AGBL4: variants seen among roughly 807,000 people sequenced by gnomAD.
AGBL4 encodes the protein AGBL carboxypeptidase 4.
Under a neutral mutation model 66.4 loss-of-function variants are expected in AGBL4, and 58 were observed. That is an observed-to-expected ratio of 0.87 (90% CI 0.71 to 1.09). The LOEUF is 1.09. Among genes scored for constraint, AGBL4 ranks in the 50% least tolerant of loss-of-function variants. AGBL4 has a pLI of 0.00. For synonymous variants in AGBL4, 234 were observed against 222.9 expected (o/e 1.05, Z -0.44); for missense variants, 579 against 631.0 (o/e 0.92, Z 0.88).
chr1:49,970,792 A>G (rs1658018718), intron 1 of AGBL4, among the ~76,000 whole-genome samples: 1 of 151,532 alleles, frequency 6.6e-6, no homozygotes, highest in South Asian at 2.1e-4. Flanking sequence ...AACATCATAA[A>G]TCATCAGGGA....
intron 6 of AGBL4, among the ~76,000 whole-genome samples, chr1:48,667,153 G>T (rs1288409852): frequency 1.3e-5 from 2 of 152,194 alleles, no homozygotes; most frequent in Non-Finnish European, 2.9e-5. Context: ...CTTTCAAGAG[G>T]TGGAGATGTA....
chr1:50,008,645 AT>A (rs1198787392), intron 1 of AGBL4, among the ~76,000 whole-genome samples: 1 of 151,874 alleles, frequency 6.6e-6, no homozygotes, highest in African/African-American at 2.4e-5. Flanking sequence ...ATAGAAAAAA[AT>A]AATAATAAAG....
chr1:49,362,619 G>T (rs954574572), intron 3 of AGBL4, among the ~76,000 whole-genome samples: 7 of 151,924 alleles, frequency 4.6e-5, no homozygotes, highest in Admixed American at 2.6e-4. Flanking sequence ...GCTCGTTTAG[G>T]ACCCACCTCA....
intron 6 of AGBL4, among the ~76,000 whole-genome samples, chr1:48,764,535 T>C (rs1644436542): frequency 6.6e-6 from 1 of 152,142 alleles, no homozygotes. Flanking sequence ...GGTTCAGTTA[T>C]AAGCAGGAGG....
At chr1:49,409,656 T>C (rs1174001777) in intron 3 of AGBL4, among the ~76,000 whole-genome samples, 1 of 152,190 alleles carries the variant, frequency 6.6e-6, no homozygotes, top group East Asian at 1.9e-4. Context: ...TTTCTTAAGT[T>C]AGTAAAATTG....
At chr1:49,084,895 T>A (rs1003756937) in intron 4 of AGBL4, among the ~76,000 whole-genome samples, 4 of 152,190 alleles carry the variant, frequency 2.6e-5, no homozygotes, top group Non-Finnish European at 1.5e-5. Flanking sequence ...GACCGTCATG[T>A]TGTCCTTTTT....
At chr1:49,344,307 A>G (rs1222109134) in intron 3 of AGBL4, among the ~76,000 whole-genome samples, 1 of 152,182 alleles carries the variant, frequency 6.6e-6, no homozygotes, top group Non-Finnish European at 1.5e-5. Context: ...AACTTAAAGT[A>G]TAATAATAAA....
chr1:48,635,474 C>G lies in AGBL4; in HGVS notation c.840-870G>C, dbSNP rs142263202. On this transcript the variant is annotated intron_variant, in intron 8 of 13. Transcript: ENST00000371839. ...TCCACATTCAGATTTTCACTAGCGT[C>G]CTGCCTAGCCTCTCTGGCAAGTCCA... is the stretch of plus-strand genomic sequence containing the variant. Among the ~76,000 whole-genome samples the G allele has an allele frequency of 2.5e-3, 384 of 152,334 alleles. 9 individuals are homozygous for G. In the East Asian group the frequency reaches 0.058, roughly 23 times the overall value.
chr1:49,906,114 C>T (rs898044179), intron 1 of AGBL4, among the ~76,000 whole-genome samples: 6 of 110,874 alleles, frequency 5.4e-5, no homozygotes, highest in African/African-American at 2.3e-4. Context: ...AGAAACAGGA[C>T]TCTGTGTGTG....
At chr1:49,974,948 T>C (rs1234978477) in intron 1 of AGBL4, among the ~76,000 whole-genome samples, 1 of 152,198 alleles carries the variant, frequency 6.6e-6, no homozygotes, top group Non-Finnish European at 1.5e-5. Flanking sequence ...TGTAAATATC[T>C]AAACCTGTAT....
intron 5 of AGBL4, among the ~76,000 whole-genome samples, chr1:49,013,206 G>T (rs1292629414): frequency 6.6e-6 from 1 of 152,218 alleles, no homozygotes; most frequent in Non-Finnish European, 1.5e-5. Context: ...TAACCAAAGA[G>T]ATGAGTGTTT....
At chr1:48,884,892 T>C (rs756424621) in intron 5 of AGBL4, among the ~76,000 whole-genome samples, 12 of 145,360 alleles carry the variant, frequency 8.3e-5, no homozygotes, top group Non-Finnish European at 1.2e-4. Context: ...AGATGGATGA[T>C]TGAGAGAAAA....
At chr1:48,783,775 T>G (rs569442668) in intron 6 of AGBL4, among the ~76,000 whole-genome samples, 25 of 152,308 alleles carry the variant, frequency 1.6e-4, no homozygotes, top group African/African-American at 5.8e-4. Context: ...TGATTTTTTT[T>G]GTTGTTTTTT....
At chr1:48,577,330 A>G (rs1023613078) in intron 11 of AGBL4, among the ~76,000 whole-genome samples, 1 of 152,252 alleles carries the variant, frequency 6.6e-6, no homozygotes, top group Admixed American at 6.5e-5. Context: ...GCTAACAGCC[A>G]TAATCCTGAA....
chr1:49,299,032 T>A (rs1644695757), intron 3 of AGBL4, among the ~76,000 whole-genome samples: 1 of 152,180 alleles, frequency 6.6e-6, no homozygotes, highest in African/African-American at 2.4e-5. Context: ...CATTGCCGTT[T>A]ACTAAGTCCT....
intron 6 of AGBL4, among the ~76,000 whole-genome samples, chr1:48,706,396 T>C (rs1384268853): frequency 6.6e-6 from 1 of 152,178 alleles, no homozygotes; most frequent in Non-Finnish European, 1.5e-5. Flanking sequence ...TCTCAAAATA[T>C]AACTGCTAAA....
At position 48,917,867 on chromosome 1, in the gene AGBL4, C is replaced by T. The variant is rs187577230; in HGVS notation, c.595-50637G>A. Among the ~76,000 whole-genome samples, 213 of 152,270 alleles carry T rather than the reference C, an allele frequency of 1.4e-3. 1 individual carries two copies. The highest frequency in any genetic ancestry group is 4.8e-3 in the African/African-American group (200 of 41,564). ...TATTCATCATTTTTATAGGGATCAC[C>T]TCCAGGGGATGATTAAAAGGATAGA... On this transcript the variant is annotated intron_variant, in intron 5 of 13. Transcript: ENST00000371839.
At chr1:48,704,014 C>T (rs1646843137) in intron 6 of AGBL4, among the ~76,000 whole-genome samples, 1 of 152,158 alleles carries the variant, frequency 6.6e-6, no homozygotes, top group African/African-American at 2.4e-5. Context: ...CTACTATATA[C>T]CTAAGCTGTA....
intron 5 of AGBL4, among the ~76,000 whole-genome samples, chr1:48,951,540 A>G (rs2148928206): frequency 6.6e-6 from 1 of 152,342 alleles, no homozygotes; most frequent in Middle Eastern, 3.4e-3. Context: ...ATGAGGCTGG[A>G]ACACTCATGA....
Sources: gnomAD v4.1 joint callset for allele counts (sites outside exome capture counted in the v4.1 genomes callset) on GRCh38, gnomAD v4.1.1 for gene constraint, MANE v1.5 for transcripts, NCBI Gene and HGNC (gene_info 2026-07-23, HGNC 2026-07-21) for gene names.